The following ABLIM2 variants were observed in gnomAD, a reference collection of about 807,000 sequenced individuals.
The protein encoded by ABLIM2 is actin-binding LIM protein 2.
ABLIM2 carries 53 observed loss-of-function variants against 97.7 expected under a neutral mutation model. The ratio of observed to expected loss-of-function variants is 0.54; its 90% CI spans 0.44 to 0.68. The LOEUF is 0.68. ABLIM2 is among the 30% of genes least tolerant of loss of function. The pLI is 0.00. For missense variants in ABLIM2, 835 were observed against 867.2 expected, an observed-to-expected ratio of 0.96 and a Z score of 0.47; for synonymous variants, 361 against 345.8, an observed-to-expected ratio of 1.04 and a Z score of -0.49.
In ABLIM2 at chr4:8,044,696, G is replaced by C. The variant is rs55732267; in HGVS notation, c.900+468C>G. Among the ~76,000 whole-genome samples, 1 of 150,816 alleles carries C rather than the reference G, an allele frequency of 6.6e-6. No homozygotes were observed. On this transcript the variant is annotated intron_variant, in intron 9 of 20. Coordinates refer to ENST00000447017, the MANE Select transcript of ABLIM2 (RefSeq NM_001130083.2). This position sits in a 1 kb window ranked among gnomAD's most constrained non-coding sequence, Gnocchi z 4.4. The stretch of plus-strand genomic sequence containing the variant: ...CTCTCTCTCTCTCTCTCTCTCGAAC[G>C]AACGAAAACGGGATCACATAATTTA...
At position 8,100,749 on chromosome 4, in the gene ABLIM2, G is replaced by GA. The variant is rs57318831; in HGVS notation, c.155-3468dup. 3.9e-3 allele frequency among the ~76,000 whole-genome samples: 391 copies of GA among 100,054 alleles called. 3 individuals are homozygous for GA. The highest frequency in any genetic ancestry group is 0.031 in the South Asian group (83 of 2,656). The allele number at this position is 100,054 out of a possible 152,430, so 65.6% of individuals were successfully genotyped here. On this transcript the variant is annotated intron_variant, in intron 2 of 20. Coordinates refer to ENST00000447017, the MANE Select transcript of ABLIM2 (RefSeq NM_001130083.2). The stretch of plus-strand genomic sequence containing the variant: ...CAACAAGAATGAAACTCCATCTCAG[G>GA]AAAAAAAAAAAAAAAAAAAAAAAGA...
intron 2 of ABLIM2, among the ~76,000 whole-genome samples, chr4:8,104,092 C>T (rs1386207596): frequency 6.6e-6 from 1 of 152,198 alleles, no homozygotes; most frequent in Non-Finnish European, 1.5e-5. Context: ...GCCACCCCTT[C>T]TCCCAGGCAA....
chr4:8,093,699 T>C (rs1364772423), intron 3 of ABLIM2, among the ~76,000 whole-genome samples: 3 of 152,256 alleles, frequency 2.0e-5, no homozygotes, highest in African/African-American at 7.2e-5. Flanking sequence ...TCTCCTAGCA[T>C]ACATAGTTTC....
chr4:8,104,517 C>T (rs1002782751), intron 2 of ABLIM2, among the ~76,000 whole-genome samples: 1 of 152,168 alleles, frequency 6.6e-6, no homozygotes, highest in African/African-American at 2.4e-5. Context: ...GCATCAAGTG[C>T]CCCCGGTGAT....
At chr4:8,151,686 C>G (rs1712847205) in intron 1 of ABLIM2, among the ~76,000 whole-genome samples, 1 of 152,020 alleles carries the variant, frequency 6.6e-6, no homozygotes, top group Non-Finnish European at 1.5e-5. Flanking sequence ...TGGCAGTGGC[C>G]CTGTTTTTAC....
At chr4:7,991,458 G>C (rs1199832592) in intron 17 of ABLIM2, among the ~76,000 whole-genome samples, 1 of 152,214 alleles carries the variant, frequency 6.6e-6, no homozygotes, top group African/African-American at 2.4e-5. Context: ...AGCTGTTCCA[G>C]GTGAGAAGGG....
In ABLIM2 at chr4:8,130,172, G is replaced by A. The variant is rs896003811; in HGVS notation, c.11-23535C>T. Among the ~76,000 whole-genome samples, 12 of 152,340 alleles carry A rather than the reference G, an allele frequency of 7.9e-5. No individual in the cohort carries two copies. Among genetic ancestry groups the A allele is most frequent in the African/African-American group, 2.9e-4 (12 of 41,586 alleles). On this transcript the variant is annotated intron_variant, in intron 1 of 20. Coordinates refer to ENST00000447017, the MANE Select transcript of ABLIM2 (RefSeq NM_001130083.2). The surrounding 1 kb of genome is among the most constrained non-coding windows in gnomAD (Gnocchi z 4.2). ...CCTGGAAGGGGAACACTCAAGTCTT[G>A]AAGGAACTCAGCCAGCAGGTACTGA...
At chr4:7,967,913 C>T (rs1724285351) in intron 20 of ABLIM2, among the ~76,000 whole-genome samples, 1 of 152,214 alleles carries the variant, frequency 6.6e-6, no homozygotes, top group Admixed American at 6.5e-5. Flanking sequence ...TGACCTCAGC[C>T]ACCGCAAGCT....
intron 20 of ABLIM2, among the ~76,000 whole-genome samples, chr4:7,980,520 G>T (rs1303221371): frequency 6.6e-6 from 1 of 152,096 alleles, no homozygotes; most frequent in East Asian, 1.9e-4. Flanking sequence ...TTTGAGAACA[G>T]CCTGGCCAAC....
Position 8,019,792 on chromosome 4 carries a change from A to G in ABLIM2, c.1370-121T>C. 5 of 989,420 alleles carry G rather than the reference A, an allele frequency of 5.1e-6. No individual in the cohort carries two copies. Among genetic ancestry groups the G allele is most frequent in the Non-Finnish European group, 7.6e-6 (5 of 655,700 alleles). 61.3% of individuals were successfully genotyped at this position (989,420 alleles called of 1,614,324 possible). A position where few individuals can be genotyped will look rare whatever the true frequency, so the allele number is the denominator to read the frequency against. The stretch of plus-strand genomic sequence containing the variant: ...TCACCCAGATTTAGAATCATCAGGC[A>G]GGAACTGGCACCCAGCGAGCGACAG... On this transcript the variant is annotated intron_variant, in intron 13 of 20. Transcript: ENST00000447017. The surrounding 1 kb of genome is among the most constrained non-coding windows in gnomAD (Gnocchi z 4.3).
At position 8,032,215 on chromosome 4, in the gene ABLIM2, A is replaced by T. The variant is rs1046915870; in HGVS notation, c.1048-2439T>A. Among the ~76,000 whole-genome samples, 1 of 145,184 alleles carries T rather than the reference A, an allele frequency of 6.9e-6. No individual in the cohort carries two copies. The highest frequency in any genetic ancestry group is 2.6e-5 in the African/African-American group (1 of 38,994). The stretch of plus-strand genomic sequence containing the variant: ...TTGAGAAACAGAAAAAAAAAAAAAA[A>T]ACTAGACCACTAACAGTAAAAGCTC... On this transcript the variant is annotated intron_variant, in intron 10 of 20. Coordinates refer to ENST00000447017, the MANE Select transcript of ABLIM2 (RefSeq NM_001130083.2). This position sits in a 1 kb window ranked among gnomAD's most constrained non-coding sequence, Gnocchi z 4.3.
rs572790926 is a variant in ABLIM2 at position 8,069,321 on chromosome 4, C to G, written c.676-8267G>C. Among the ~76,000 whole-genome samples, 5 of 152,266 alleles carry G rather than the reference C, an allele frequency of 3.3e-5. 1 individual carries two copies. The highest frequency in any genetic ancestry group is 3.3e-4 in the Admixed American group (5 of 15,292). ...TGAGCGGCCCTAGAGGACCAGAGAA[C>G]TTGACTAAGTTTGGGAAAGGCTAGG... On this transcript the variant is annotated intron_variant, in intron 6 of 20. Transcript: ENST00000447017. This position sits in a 1 kb window ranked among gnomAD's most constrained non-coding sequence, Gnocchi z 4.2.
At chr4:8,133,318 G>A (rs933684504) in intron 1 of ABLIM2, among the ~76,000 whole-genome samples, 5 of 152,082 alleles carry the variant, frequency 3.3e-5, no homozygotes, top group African/African-American at 4.8e-5. Context: ...CCACAGCGGC[G>A]GCTTTCCTCT....
intron 3 of ABLIM2, among the ~76,000 whole-genome samples, chr4:8,093,057 C>A (rs1044755707): frequency 6.6e-6 from 1 of 152,138 alleles, no homozygotes; most frequent in Admixed American, 6.5e-5. Context: ...CCACGTTGGC[C>A]AGGCTGGTCT....
intron 3 of ABLIM2, among the ~76,000 whole-genome samples, chr4:8,088,915 C>T (rs965363388): frequency 2.0e-5 from 3 of 152,158 alleles, no homozygotes; most frequent in East Asian, 1.9e-4. Flanking sequence ...CAAAGTTCCA[C>T]GATTTAACTA....
At chr4:8,040,283 G>A (rs532907979) in intron 9 of ABLIM2, among the ~76,000 whole-genome samples, 34 of 152,292 alleles carry the variant, frequency 2.2e-4, no homozygotes, top group Admixed American at 9.8e-4. Flanking sequence ...CAGGCGCACA[G>A]TAGGTTGATG....
At chr4:8,073,174 C>T (rs560539030) in intron 6 of ABLIM2, among the ~76,000 whole-genome samples, 6 of 147,328 alleles carry the variant, frequency 4.1e-5, no homozygotes, top group African/African-American at 1.5e-4. Flanking sequence ...GCAGAGGGGG[C>T]GATGGCCAGA....
rs745368978 is a variant in ABLIM2, at chr4:7,984,940, GGT to G, written c.1681-49_1681-48del. 1.9e-6 allele frequency: 3 copies of G among 1,588,120 alleles called. No individual in the cohort carries two copies. In the East Asian group the frequency reaches 6.8e-5, roughly 36 times the overall value. ...GGCGGCAAGAGACAGGCGGCACGAG[GGT>G]GTGTGGATGGGCAGGGACCAGGAGA... On this transcript the variant is annotated intron_variant, in intron 17 of 20. Transcript: ENST00000447017.
intron 4 of ABLIM2, among the ~76,000 whole-genome samples, chr4:8,086,236 C>T (rs1823502004): frequency 7.0e-6 from 1 of 143,614 alleles, no homozygotes; most frequent in Non-Finnish European, 1.5e-5. Context: ...AATAAATTTA[C>T]ATTTGGAGAG....
Sources: allele counts gnomAD v4.1 joint callset (sites outside exome capture counted in the v4.1 genomes callset), GRCh38; gene constraint gnomAD v4.1.1; non-coding constraint Gnocchi (gnomAD v3.1); transcripts MANE v1.5; gene names NCBI Gene and HGNC (gene_info 2026-07-23, HGNC 2026-07-21).